Variants in SLIT3 observed in about 807,000 individuals in gnomAD.
The protein encoded by SLIT3 is slit guidance ligand 3, also known as slit homolog 3 protein.
Under a neutral mutation model 184.0 loss-of-function variants are expected in SLIT3, and 68 were observed. That is an observed-to-expected ratio of 0.37 (90% CI 0.30 to 0.45). The LOEUF is 0.45. SLIT3 is among the 20% of genes least tolerant of loss of function. SLIT3 has a pLI of 1.00. For missense variants in SLIT3, 1,707 were observed against 2,026.0 expected (o/e 0.84, Z 3.02); for synonymous variants, 831 against 828.6 (o/e 1.00, Z -0.05).
intron 32 of SLIT3, among the ~76,000 whole-genome samples, chr5:168,674,467 T>C (rs10065549): frequency 0.056 from 8,400 of 151,292 alleles, 691 homozygotes; most frequent in African/African-American, 0.18. Flanking sequence ...GGGTCCCAAA[T>C]GTTTTGGTTA....
chr5:169,233,818 CTTCCT>C (rs1052820061), intron 3 of SLIT3, among the ~76,000 whole-genome samples: 21 of 151,870 alleles, frequency 1.4e-4, no homozygotes, highest in Non-Finnish European at 2.1e-4. Context: ...CTCTCCCTTC[CTTCCT>C]TTCCTATTTT....
intron 8 of SLIT3, among the ~76,000 whole-genome samples, chr5:168,815,116 C>T (rs1355793918): frequency 6.6e-6 from 1 of 152,222 alleles, no homozygotes; most frequent in Non-Finnish European, 1.5e-5. Context: ...TGGCTTCATA[C>T]TAAGAAGCTC....
chr5:169,184,659 C>T (rs936398590), intron 4 of SLIT3, among the ~76,000 whole-genome samples: 3 of 152,170 alleles, frequency 2.0e-5, no homozygotes, highest in East Asian at 1.9e-4. Context: ...CCAGACTTCC[C>T]GGCTGTGTGG....
intron 4 of SLIT3, among the ~76,000 whole-genome samples, chr5:169,168,528 C>T (rs1301304473): frequency 6.6e-6 from 1 of 152,138 alleles, no homozygotes; most frequent in Non-Finnish European, 1.5e-5. Flanking sequence ...GTGCTGGGAG[C>T]TCTACATGCA....
chr5:168,906,376 A>G (rs932104305), intron 4 of SLIT3, among the ~76,000 whole-genome samples: 11 of 152,238 alleles, frequency 7.2e-5, no homozygotes, highest in African/African-American at 2.7e-4. Flanking sequence ...TGAGAAAAGC[A>G]CATTTAGCAT....
chr5:169,135,622 T>C (rs1761474626), intron 4 of SLIT3, among the ~76,000 whole-genome samples: 1 of 152,218 alleles, frequency 6.6e-6, no homozygotes, highest in South Asian at 2.1e-4. Context: ...CTTCCAATAT[T>C]TATATATGCT....
At chr5:168,782,636 C>T (rs1480117984) in intron 12 of SLIT3, among the ~76,000 whole-genome samples, 1 of 152,112 alleles carries the variant, frequency 6.6e-6, no homozygotes, top group Non-Finnish European at 1.5e-5. Flanking sequence ...TTGAGCTGCT[C>T]CCACCCCTGG....
At chr5:168,851,322 C>CAAAAAAAAAA (rs531233116) in intron 5 of SLIT3, among the ~76,000 whole-genome samples, 1 of 77,192 alleles carries the variant, frequency 1.3e-5, no homozygotes, top group Non-Finnish European at 2.6e-5. Context: ...GACTCCGTCT[C>CAAAAAAAAAA]AAAAAAAAAA....
At chr5:169,034,939 G>GTGTGTT (rs1554092357) in intron 4 of SLIT3, among the ~76,000 whole-genome samples, 159 of 150,988 alleles carry the variant, frequency 1.1e-3, no homozygotes, top group African/African-American at 3.6e-3. Flanking sequence ...GTGTGTGTGT[G>GTGTGTT]TGTGTGTGTG....
intron 1 of SLIT3, among the ~76,000 whole-genome samples, chr5:169,272,824 G>A (rs1187855387): frequency 6.6e-6 from 1 of 152,168 alleles, no homozygotes; most frequent in Non-Finnish European, 1.5e-5. Flanking sequence ...TGAATCCTCT[G>A]GGCCCCCGGG....
intron 6 of SLIT3, among the ~76,000 whole-genome samples, chr5:168,843,403 G>A (rs865973888): frequency 1.3e-5 from 2 of 152,162 alleles, no homozygotes; most frequent in Admixed American, 6.5e-5. Flanking sequence ...ATCAGAGATA[G>A]GTAACCTGTG....
intron 4 of SLIT3, among the ~76,000 whole-genome samples, chr5:168,910,540 G>C (rs1404940613): frequency 6.6e-6 from 1 of 152,004 alleles, no homozygotes; most frequent in Admixed American, 6.6e-5. Flanking sequence ...TCAGGAGATG[G>C]AGACCATCCT....
intron 5 of SLIT3, among the ~76,000 whole-genome samples, chr5:168,876,748 T>C (rs1437941300): frequency 3.3e-5 from 5 of 152,226 alleles, no homozygotes; most frequent in Non-Finnish European, 5.9e-5. Context: ...GGTTTACTAA[T>C]TGACTCCCTC....
intron 1 of SLIT3, among the ~76,000 whole-genome samples, chr5:169,297,509 C>T (rs371578999): frequency 3.9e-5 from 6 of 152,120 alleles, no homozygotes; most frequent in African/African-American, 1.4e-4. Context: ...TTCATCAAAG[C>T]CTTTTTGGGA....
intron 24 of SLIT3, among the ~76,000 whole-genome samples, 190 bp downstream of exon 24, chr5:168,712,093 T>A (rs966199607): frequency 3.9e-5 from 6 of 152,234 alleles, no homozygotes; most frequent in Non-Finnish European, 8.8e-5. Context: ...TTTACATAAT[T>A]GAGGATTCCT....
At chr5:169,169,036 G>GT (rs960903653) in intron 4 of SLIT3, among the ~76,000 whole-genome samples, 7 of 92,366 alleles carry the variant, frequency 7.6e-5, no homozygotes, top group African/African-American at 2.0e-4. Flanking sequence ...TCAGCCCAGA[G>GT]TGGGGGGGGG....
chr5:168,923,807 C>T (rs557894628), intron 4 of SLIT3, among the ~76,000 whole-genome samples: 6 of 152,356 alleles, frequency 3.9e-5, no homozygotes, highest in East Asian at 1.9e-4. Context: ...TGAGCCATCA[C>T]GTCCTGCCAA....
At chr5:169,151,042 A>G (rs758999701) in intron 4 of SLIT3, among the ~76,000 whole-genome samples, 3 of 152,162 alleles carry the variant, frequency 2.0e-5, no homozygotes, top group Non-Finnish European at 4.4e-5. Context: ...TGAGGAAAAA[A>G]AAACTCTAAA....
At chr5:168,979,570 A>G (rs991073511) in intron 4 of SLIT3, among the ~76,000 whole-genome samples, 1 of 152,210 alleles carries the variant, frequency 6.6e-6, no homozygotes, top group Non-Finnish European at 1.5e-5. Context: ...CTCTCCAAGA[A>G]TGAGTTTTCC....
Sources: gnomAD v4.1 joint callset for allele counts (sites outside exome capture counted in the v4.1 genomes callset) on GRCh38, gnomAD v4.1.1 for gene constraint, MANE v1.5 for transcripts, NCBI Gene and HGNC (gene_info 2026-07-23, HGNC 2026-07-21) for gene names.